RBL1: variants seen among roughly 807,000 people sequenced by gnomAD.
RBL1 encodes RB transcriptional corepressor like 1.
In RBL1, 82 loss-of-function variants were observed where a neutral mutation model predicts 123.0. The ratio of observed to expected loss-of-function variants is 0.67; its 90% CI spans 0.56 to 0.80. The LOEUF (loss-of-function observed/expected upper bound fraction) is 0.80. Ranked by LOEUF, RBL1 falls within the 30% of genes least tolerant of loss-of-function variation. The pLI is 0.00. For missense variants in RBL1, 1,171 were observed against 1,299.6 expected, an observed-to-expected ratio of 0.90 and a Z score of 1.52; for synonymous variants, 405 against 441.3, an observed-to-expected ratio of 0.92 and a Z score of 1.03.
intron 1 of RBL1, among the ~76,000 whole-genome samples, chr20:37,092,296 T>C (rs1393180428): frequency 6.6e-6 from 1 of 152,086 alleles, no homozygotes. Flanking sequence ...AGTCCTAAAA[T>C]TATTGTTTCG....
chr20:37,000,845 G>A (rs574624032), intron 21 of RBL1, among the ~76,000 whole-genome samples: 28 of 140,790 alleles, frequency 2.0e-4, no homozygotes, highest in African/African-American at 7.2e-4. Flanking sequence ...CGCCCCTACT[G>A]GGACGTGAGG....
chr20:37,048,024 G>A (rs539853109), intron 11 of RBL1, among the ~76,000 whole-genome samples: 8 of 151,408 alleles, frequency 5.3e-5, no homozygotes, highest in Non-Finnish European at 1.0e-4. Context: ...AACAAGTATC[G>A]CCCCAAATCA....
intron 11 of RBL1, chr20:37,049,447 CTT>C: frequency 1.3e-6 from 1 of 752,778 alleles, no homozygotes; most frequent in African/African-American, 1.7e-5. Context: ...TACTCTTCAT[CTT>C]GTGTTGAGAC....
intron 2 of RBL1, among the ~76,000 whole-genome samples, chr20:37,070,394 T>C (rs1466387598): frequency 1.3e-5 from 2 of 152,104 alleles, no homozygotes; most frequent in East Asian, 1.9e-4. Flanking sequence ...GTTTATCTGC[T>C]GACCTTCCCT....
At chr20:37,048,994 G>C (rs1456408291) in intron 11 of RBL1, among the ~76,000 whole-genome samples, 2 of 151,416 alleles carry the variant, frequency 1.3e-5, no homozygotes, top group Non-Finnish European at 2.9e-5. Flanking sequence ...CTGAGGTCAG[G>C]AGTTCGAGAC....
chr20:37,093,776 G>A (rs1284818065), intron 1 of RBL1, among the ~76,000 whole-genome samples: 1 of 151,592 alleles, frequency 6.6e-6, no homozygotes. Flanking sequence ...TGAGTAGCTG[G>A]GATTACAAGT....
In RBL1 at chr20:37,072,147, T is replaced by A. The variant is rs547199052; in HGVS notation, c.291-3961A>T. On this transcript the variant is annotated intron_variant, in intron 2 of 21. Coordinates refer to ENST00000373664, the MANE Select transcript of RBL1 (RefSeq NM_002895.5). Reference sequence around the variant, plus strand: ...TAAATATTTTTTGGCTTACAAAAAATTATGCTCCCTTACAGAGGACTTTAA... The same window carrying A: ...TAAATATTTTTTGGCTTACAAAAAAATATGCTCCCTTACAGAGGACTTTAA... 2.0e-5 allele frequency among the ~76,000 whole-genome samples: 3 copies of A among 152,224 alleles called. No homozygotes were observed. In the East Asian group the frequency reaches 5.8e-4, roughly 29 times the overall value.
At position 37,011,102 on chromosome 20, in the gene RBL1, G is replaced by A. The variant is rs113497391; in HGVS notation, c.2723-3543C>T. Among the ~76,000 whole-genome samples, 584 of 152,244 alleles carry A rather than the reference G, an allele frequency of 3.8e-3. 7 individuals carry two copies. Among genetic ancestry groups the A allele is most frequent in the African/African-American group, 0.013 (558 of 41,538 alleles). On this transcript the variant is annotated intron_variant, in intron 19 of 21. Coordinates refer to ENST00000373664, the MANE Select transcript of RBL1 (RefSeq NM_002895.5). Reference sequence around the variant, plus strand: ...TCCAAAGTGCTGGGATTACAGGCATGAGCCACAACACTCAGCCTAAATATA... The same window carrying A: ...TCCAAAGTGCTGGGATTACAGGCATAAGCCACAACACTCAGCCTAAATATA...
At chr20:37,076,258 A>C (rs2065362020) in intron 2 of RBL1, among the ~76,000 whole-genome samples, 1 of 152,232 alleles carries the variant, frequency 6.6e-6, no homozygotes. Context: ...TAGAGTATAT[A>C]TTTTCCTATA....
At chr20:37,089,420 G>T (rs1402039433) in intron 1 of RBL1, among the ~76,000 whole-genome samples, 1 of 152,020 alleles carries the variant, frequency 6.6e-6, no homozygotes, top group Non-Finnish European at 1.5e-5. Context: ...GGAGGCTGAG[G>T]TGCGAGTATC....
At position 37,090,907 on chromosome 20, in the gene RBL1, C is replaced by T. The variant is rs754366787; in HGVS notation, c.157-1785G>A. On this transcript the variant is annotated intron_variant, in intron 1 of 21. Transcript: ENST00000373664. Reference sequence around the variant, plus strand: ...CTGCAGCACACGACTGTAGTAAGCACGGCTCTTTATATTAGTAGATATCTC... The same window carrying T: ...CTGCAGCACACGACTGTAGTAAGCATGGCTCTTTATATTAGTAGATATCTC... Among the ~76,000 whole-genome samples the T allele has an allele frequency of 7.2e-5, 11 of 152,272 alleles. 1 individual carries two copies. Among genetic ancestry groups the T allele is most frequent in the African/African-American group, 2.2e-4 (9 of 41,556 alleles).
intron 14 of RBL1, among the ~76,000 whole-genome samples, chr20:37,038,995 T>C (rs181304248): frequency 6.6e-6 from 1 of 152,192 alleles, no homozygotes; most frequent in East Asian, 1.9e-4. Flanking sequence ...CAAAAATGGA[T>C]GTACCGTACT....
chr20:37,022,826 C>A lies in RBL1; in HGVS notation c.2383G>T (p.Val795Phe), dbSNP rs773099245. 1.2e-6 allele frequency: 2 copies of A among 1,602,328 alleles called. No homozygotes were observed. The highest frequency in any genetic ancestry group is 2.2e-5 in the South Asian group (2 of 90,218). ...TGSLALFYRK[V>F]YHLASVRLRD... is the part of the protein sequence containing the mutation. Reference sequence around the variant, plus strand: ...AAGCGTACACTTGCCAAATGATAGACCTAAAATAGAAGGTAACACATTGAT... The same window carrying A: ...AAGCGTACACTTGCCAAATGATAGAACTAAAATAGAAGGTAACACATTGAT... The change falls in exon 17 of 22, where the codon GTC becomes TTC. Residue 795 changes from valine (V) to phenylalanine (F), a missense_variant and splice_region_variant. Transcript: ENST00000373664.
intron 1 of RBL1, among the ~76,000 whole-genome samples, chr20:37,094,516 T>C (rs2065697406): frequency 1.3e-5 from 2 of 152,176 alleles, no homozygotes; most frequent in Non-Finnish European, 2.9e-5. Context: ...GGTGAGTCAG[T>C]GGTGCACCCT....
At chr20:37,005,359 T>C (rs1157284066) in intron 20 of RBL1, among the ~76,000 whole-genome samples, 3 of 151,624 alleles carry the variant, frequency 2.0e-5, no homozygotes, top group Non-Finnish European at 4.4e-5. Flanking sequence ...TGAGCTGAGA[T>C]TGTGCCACTT....
At chr20:37,042,157 T>C (rs2146263304) in intron 13 of RBL1, among the ~76,000 whole-genome samples, 1 of 151,366 alleles carries the variant, frequency 6.6e-6, no homozygotes, top group Non-Finnish European at 1.5e-5. Context: ...GATAAGGGAT[T>C]TGTATCTAGA....
At chr20:36,999,775 G>A (rs2063936302) in intron 21 of RBL1, among the ~76,000 whole-genome samples, 1 of 152,248 alleles carries the variant, frequency 6.6e-6, no homozygotes, top group Non-Finnish European at 1.5e-5. Flanking sequence ...ATGGCAGACG[G>A]AGTCGCGTTT....
intron 1 of RBL1, among the ~76,000 whole-genome samples, chr20:37,090,220 A>G (rs189795147): frequency 1.6e-4 from 25 of 152,378 alleles, no homozygotes; most frequent in African/African-American, 6.0e-4. Context: ...CAGGAGCAAC[A>G]GGCTATATTA....
chr20:37,013,147 G>C (rs963161811), intron 19 of RBL1, among the ~76,000 whole-genome samples: 3 of 152,384 alleles, frequency 2.0e-5, no homozygotes, highest in African/African-American at 4.8e-5. Context: ...GAATAGAAAG[G>C]GGGGAAAGGT....
Sources: gnomAD v4.1 joint callset for allele counts (sites outside exome capture counted in the v4.1 genomes callset) on GRCh38, gnomAD v4.1.1 for gene constraint, MANE v1.5 for transcripts, NCBI Gene and HGNC (gene_info 2026-07-23, HGNC 2026-07-21) for gene names.